The following SHC3 variants were observed in gnomAD, a reference collection of about 807,000 sequenced individuals.
SHC3 encodes SHC adaptor protein 3.
Under a neutral mutation model 60.4 loss-of-function variants are expected in SHC3, and 15 were observed. That is an observed-to-expected ratio of 0.25 (90% CI 0.17 to 0.38). The LOEUF (loss-of-function observed/expected upper bound fraction) is 0.38. Among genes scored for constraint, SHC3 ranks in the 10% least tolerant of loss-of-function variants. The probability of loss-of-function intolerance (pLI) is 1.00; values close to 1 mark genes in which losing one functional copy is unlikely to be tolerated. For synonymous variants in SHC3, 294 were observed against 325.9 expected (o/e 0.90, Z 1.05); for missense variants, 677 against 786.1 (o/e 0.86, Z 1.66).
chr9:89,044,715 T>C (rs566493676), intron 9 of SHC3, among the ~76,000 whole-genome samples: 1 of 152,372 alleles, frequency 6.6e-6, no homozygotes, highest in East Asian at 1.9e-4. Flanking sequence ...TAAAGACTTA[T>C]GTGAGCAATT....
At chr9:89,139,081 ACTGTTGGAACCAGG>A (rs1045691786) in intron 1 of SHC3, among the ~76,000 whole-genome samples, 3 of 152,214 alleles carry the variant, frequency 2.0e-5, no homozygotes, top group Admixed American at 2.0e-4. Context: ...GAATTGGGAA[ACTGTTGGAACCAGG>A]CTGATATGGG....
chr9:89,130,935 T>C (rs1826235041), intron 1 of SHC3, among the ~76,000 whole-genome samples: 1 of 151,722 alleles, frequency 6.6e-6, no homozygotes, highest in East Asian at 1.9e-4. Context: ...GATAGAGACA[T>C]AAAAAACCCT....
intron 4 of SHC3, 62 bp downstream of exon 4, chr9:89,075,047 C>G: frequency 9.5e-6 from 15 of 1,571,052 alleles, no homozygotes; most frequent in Non-Finnish European, 1.2e-5. Context: ...AAGGAAGAAG[C>G]CTGCGAAACA....
chr9:89,072,866 G>A (rs1272201233), intron 4 of SHC3, among the ~76,000 whole-genome samples: 2 of 152,112 alleles, frequency 1.3e-5, no homozygotes, highest in Non-Finnish European at 2.9e-5. Context: ...TGTAAAACTT[G>A]AAATAAAATA....
chr9:89,166,721 T>A (rs890611222), intron 1 of SHC3, among the ~76,000 whole-genome samples: 1 of 151,220 alleles, frequency 6.6e-6, no homozygotes, highest in African/African-American at 2.4e-5. Flanking sequence ...GGAAGTGAAG[T>A]GGGAAGGAAA....
At chr9:89,166,633 A>G (rs900733276) in intron 1 of SHC3, among the ~76,000 whole-genome samples, 1 of 152,152 alleles carries the variant, frequency 6.6e-6, no homozygotes, top group African/African-American at 2.4e-5. Flanking sequence ...ACGAGGGGGC[A>G]CCAATGAACC....
chr9:89,165,083 T>A (rs950185299), intron 1 of SHC3, among the ~76,000 whole-genome samples: 4 of 152,210 alleles, frequency 2.6e-5, no homozygotes, highest in Non-Finnish European at 5.9e-5. Flanking sequence ...AGTTCACCCA[T>A]AATTTGATTG....
At chr9:89,142,121 C>T (rs1158900095) in intron 1 of SHC3, among the ~76,000 whole-genome samples, 1 of 152,182 alleles carries the variant, frequency 6.6e-6, no homozygotes, top group Admixed American at 6.5e-5. Flanking sequence ...TAGGAATTAA[C>T]ATCCCATGGT....
chr9:89,046,843 C>T lies in SHC3; in HGVS notation c.1113+1G>A. ...TATAAGAAAAAAACTATAAGACTTACCTGGGCTGTGTCAGGAGCATGGGGT... is the reference window on the plus strand; with the variant it reads ...TATAAGAAAAAAACTATAAGACTTATCTGGGCTGTGTCAGGAGCATGGGGT... On this transcript the variant is annotated splice_donor_variant, in intron 8 of 11. Coordinates refer to ENST00000375835, the MANE Select transcript of SHC3 (RefSeq NM_016848.6). LOFTEE classifies it high-confidence loss of function. 1 of 1,586,364 alleles carries T rather than the reference C, an allele frequency of 6.3e-7. No homozygotes were observed.
intron 1 of SHC3, among the ~76,000 whole-genome samples, chr9:89,167,050 T>C (rs982139302): frequency 1.3e-5 from 2 of 151,888 alleles, no homozygotes; most frequent in Admixed American, 6.5e-5. Flanking sequence ...CTTCAAATCA[T>C]GACTTTTTTG....
rs190639986 is a variant in SHC3, at chr9:89,128,681, G to A, written c.475-16055C>T. ...AGCAAACTCCAACAGACCTACAGCT[G>A]AGGGTCTTGACTGTTAGAAGGAAAA... On this transcript the variant is annotated intron_variant, in intron 1 of 11. Coordinates refer to ENST00000375835, the MANE Select transcript of SHC3 (RefSeq NM_016848.6). 2.8e-4 allele frequency among the ~76,000 whole-genome samples: 42 copies of A among 152,316 alleles called. No individual in the cohort carries two copies. In the East Asian group the frequency reaches 6.4e-3, roughly 23 times the overall value.
At chr9:89,013,817 C>T (rs1379379433) in intron 11 of SHC3, among the ~76,000 whole-genome samples, 1 of 152,160 alleles carries the variant, frequency 6.6e-6, no homozygotes, top group Non-Finnish European at 1.5e-5. Context: ...GCCCCTAGGA[C>T]TCAGTTCTGG....
At chr9:89,152,512 C>G (rs1826559568) in intron 1 of SHC3, among the ~76,000 whole-genome samples, 1 of 152,210 alleles carries the variant, frequency 6.6e-6, no homozygotes, top group Non-Finnish European at 1.5e-5. Flanking sequence ...ACTGTCTTAG[C>G]AAGTCCACCA....
At chr9:89,096,066 A>C (rs1825696912) in intron 2 of SHC3, among the ~76,000 whole-genome samples, 1 of 152,224 alleles carries the variant, frequency 6.6e-6, no homozygotes, top group African/African-American at 2.4e-5. Context: ...ACAGCTAAAA[A>C]ATAATAAATA....
intron 7 of SHC3, among the ~76,000 whole-genome samples, chr9:89,049,876 C>T (rs1271187853): frequency 6.6e-6 from 1 of 152,232 alleles, no homozygotes; most frequent in African/African-American, 2.4e-5. Flanking sequence ...TTTCCTTTTT[C>T]TCTCCATAAA....
intron 6 of SHC3, among the ~76,000 whole-genome samples, chr9:89,059,315 GGACGTTGTGGA>G (rs1825022637): frequency 3.1e-5 from 1 of 32,494 alleles, no homozygotes; most frequent in African/African-American, 1.9e-4. Flanking sequence ...CGGTGGTGGA[GGACGTTGTGGA>G]GGATGGTGGT....
At chr9:89,014,754 C>T (rs963566734) in intron 11 of SHC3, among the ~76,000 whole-genome samples, 1 of 152,172 alleles carries the variant, frequency 6.6e-6, no homozygotes, top group African/African-American at 2.4e-5. Context: ...CCTCCCTCTC[C>T]ATCAACCTAC....
chr9:89,129,022 G>A (rs1186610859), intron 1 of SHC3, among the ~76,000 whole-genome samples: 1 of 152,112 alleles, frequency 6.6e-6, no homozygotes, highest in Non-Finnish European at 1.5e-5. Context: ...AAGATTGGAT[G>A]AATGGCTAAC....
intron 9 of SHC3, among the ~76,000 whole-genome samples, chr9:89,042,800 C>G (rs1587691300): frequency 6.6e-6 from 1 of 152,134 alleles, no homozygotes; most frequent in Admixed American, 6.5e-5. Context: ...GACTTCACAG[C>G]TAGCCAATGG....
Sources: gnomAD v4.1 joint callset for allele counts (sites outside exome capture counted in the v4.1 genomes callset) on GRCh38, gnomAD v4.1.1 for gene constraint, MANE v1.5 for transcripts, NCBI Gene and HGNC (gene_info 2026-07-23, HGNC 2026-07-21) for gene names.